The following ABCG5 variants were observed in gnomAD, a reference collection of about 807,000 sequenced individuals.
The protein encoded by ABCG5 is ATP-binding cassette sub-family G member 5.
In ABCG5, 64 loss-of-function variants were observed where a neutral mutation model predicts 64.5. The observed-to-expected ratio is 0.99, with a 90% CI of 0.81 to 1.22. The LOEUF (loss-of-function observed/expected upper bound fraction) is 1.22, where lower values mean the gene tolerates loss of function less well. ABCG5 is among the 50% of genes most tolerant of loss of function. ABCG5 has a pLI of 0.00. For synonymous variants in ABCG5, 385 were observed against 326.3 expected (o/e 1.18, Z -1.94); for missense variants, 908 against 829.5 (o/e 1.09, Z -1.16).
chr2:43,824,536 T>C, intron 7 of ABCG5, 104 bp from the exon 8 acceptor site: 2 of 1,592,184 alleles, frequency 1.3e-6, no homozygotes, highest in Non-Finnish European at 1.7e-6. Context: ...CCTCATCCCA[T>C]CAAGATAAAA....
At chr2:43,828,848 C>T (rs1209216368) in intron 4 of ABCG5, among the ~76,000 whole-genome samples, 2 of 145,184 alleles carry the variant, frequency 1.4e-5, no homozygotes, top group South Asian at 4.4e-4. Flanking sequence ...CACTGGTAAT[C>T]CCAGCTACTC....
intron 9 of ABCG5, 95 bp from the exon 10 acceptor site, chr2:43,823,030 G>A: frequency 6.5e-7 from 1 of 1,539,884 alleles, no homozygotes; most frequent in South Asian, 1.2e-5. Context: ...GTCAGGGCTG[G>A]ATGGTGAGGA....
At chr2:43,831,610 G>A (rs1379794993) in intron 4 of ABCG5, among the ~76,000 whole-genome samples, 159 bp downstream of exon 4, 1 of 152,220 alleles carries the variant, frequency 6.6e-6, no homozygotes, top group East Asian at 1.9e-4. Flanking sequence ...ATGTGACTAG[G>A]GGCAGCACAG....
Position 43,825,007 on chromosome 2 carries a change from T to C in ABCG5, c.786A>G (p.Lys262=), listed in dbSNP as rs577788640. ...PRSELFQLFD[K]IAILSFGELI... is the part of the protein sequence containing the mutation. ...GCTCTCCGAAGCTCAGGATGGCAAT[T>C]TTGTCAAAGAGCTGACCAGACAACA... Residue 262 remains lysine (K), a synonymous_variant, in exon 7 of 13, where the codon AAA becomes AAG. Transcript: ENST00000405322. The C allele has an allele frequency of 1.2e-6, 2 of 1,613,758 alleles. No homozygotes were observed. The highest frequency in any genetic ancestry group is 2.7e-5 in the African/African-American group (2 of 75,026).
At chr2:43,813,515 G>A (rs947857986) in intron 12 of ABCG5, among the ~76,000 whole-genome samples, 2 of 151,912 alleles carry the variant, frequency 1.3e-5, no homozygotes, top group African/African-American at 2.4e-5. Flanking sequence ...TTTCTATTTT[G>A]GGTATAGATT....
intron 4 of ABCG5, among the ~76,000 whole-genome samples, chr2:43,828,795 G>C (rs1297063467): frequency 6.6e-6 from 1 of 151,998 alleles, no homozygotes; most frequent in Non-Finnish European, 1.5e-5. Context: ...GTGAAACCCT[G>C]TCTGTTCTAA....
rs771959143 is a variant in ABCG5, at chr2:43,837,978, G to A, written c.144-23C>T. 3.1e-6 allele frequency: 5 copies of A among 1,613,290 alleles called. No homozygotes were observed. The African/African-American group carries it at 6.7e-5, about 22-fold the overall frequency. On this transcript the variant is annotated intron_variant, in intron 1 of 12. Coordinates refer to ENST00000405322, the MANE Select transcript of ABCG5 (RefSeq NM_022436.3). The stretch of plus-strand genomic sequence containing the variant: ...TGGCTTTAAAGGAAACCCCAGGAAG[G>A]CAAAGGCAGCTTGGGGCCCTGGAAG...
At chr2:43,816,638 G>A (rs1666849962) in intron 11 of ABCG5, among the ~76,000 whole-genome samples, 1 of 152,154 alleles carries the variant, frequency 6.6e-6, no homozygotes, top group Non-Finnish European at 1.5e-5. Flanking sequence ...CCGCCTCCCA[G>A]GTTCAGGTGA....
intron 11 of ABCG5, among the ~76,000 whole-genome samples, chr2:43,817,800 C>T (rs984670339): frequency 2.6e-5 from 4 of 151,026 alleles, no homozygotes; most frequent in Non-Finnish European, 5.9e-5. Context: ...ATCCCAGCTA[C>T]TCGGGAGGCT....
At chr2:43,829,514 A>T (rs1309178703) in intron 4 of ABCG5, among the ~76,000 whole-genome samples, 2 of 152,218 alleles carry the variant, frequency 1.3e-5, no homozygotes, top group East Asian at 3.8e-4. Flanking sequence ...TCCCAAAACA[A>T]TAACGACTAA....
chr2:43,835,476 C>T (rs761995357), intron 2 of ABCG5, among the ~76,000 whole-genome samples: 38 of 152,124 alleles, frequency 2.5e-4, no homozygotes, highest in Non-Finnish European at 4.3e-4. Context: ...TGAGAATGAC[C>T]CTGGATGTTA....
At chr2:43,820,209 T>G (rs1435137536) in intron 10 of ABCG5, 109 bp from the exon 11 acceptor site, 4 of 1,335,452 alleles carry the variant, frequency 3.0e-6, no homozygotes, top group East Asian at 2.5e-5. Context: ...TGGGAGAAGT[T>G]TGCAGGGCAA....
downstream of ABCG5, chr2:43,810,452 C>T (rs922727268): frequency 1.0e-6 from 1 of 985,228 alleles, no homozygotes; most frequent in African/African-American, 1.7e-5. Flanking sequence ...AGGATTATTT[C>T]CAAGGTGGGA....
rs528089304 is a variant in ABCG5 at position 43,822,483 on chromosome 2, C to G, written c.1463+314G>C. ...TGCTTTCTCCCCTCCCCCAGGCCCC[C>G]CCCCATGCACCTGGGTCCTAGCTAC... On this transcript the variant is annotated intron_variant, in intron 10 of 12. Transcript: ENST00000405322. 8 of 906,684 alleles carry G rather than the reference C, an allele frequency of 8.8e-6. No individual in the cohort carries two copies. In the South Asian group the frequency reaches 2.6e-4, roughly 29 times the overall value. 56.2% of individuals were successfully genotyped at this position (906,684 alleles called of 1,614,324 possible).
At chr2:43,825,371 G>T (rs1251714368) in intron 6 of ABCG5, among the ~76,000 whole-genome samples, 1 of 152,052 alleles carries the variant, frequency 6.6e-6, no homozygotes, top group Admixed American at 6.6e-5. Context: ...GCAGGGGTGG[G>T]TCTTAGTTTG....
Position 43,822,921 on chromosome 2 carries a change from C to G in ABCG5, c.1339G>C (p.Ala447Pro). 1 of 1,614,042 alleles carries G rather than the reference C, an allele frequency of 6.2e-7. No homozygotes were observed. Among genetic ancestry groups the G allele is most frequent in the South Asian group, 1.1e-5 (1 of 91,048 alleles). Residue 447 changes from alanine (A) to proline (P), a missense_variant, in exon 10 of 13, where the codon GCT (alanine) becomes CCT (proline). Ala to Pro is a conservative substitution (Grantham distance 27, BLOSUM62 -1). Coordinates refer to ENST00000405322, the MANE Select transcript of ABCG5 (RefSeq NM_022436.3). Reference protein sequence around the residue: ...NAVNLFPVLRAVSDQESQDGL... With the variant: ...NAVNLFPVLRPVSDQESQDGL... Reference sequence around the variant, plus strand: ...TCCTGACTCTCCTGGTCGCTGACAGCTCGCAGCACGGGAACTGGGGATGGA... The same window carrying G: ...TCCTGACTCTCCTGGTCGCTGACAGGTCGCAGCACGGGAACTGGGGATGGA...
Position 43,838,491 on chromosome 2 carries a change from GC to G in ABCG5, c.143+45del. 1 of 1,550,668 alleles carries G rather than the reference GC, an allele frequency of 6.4e-7. No homozygotes were observed. The highest frequency in any genetic ancestry group is 8.7e-7 in the Non-Finnish European group (1 of 1,142,926). On this transcript the variant is annotated intron_variant, in intron 1 of 12. Transcript: ENST00000405322. This position sits in a 1 kb window ranked among gnomAD's most constrained non-coding sequence, Gnocchi z 4.2. ...AAGGCAGCAGAGGGGTGAGCGCCGG[GC>G]CCCGCACTCCTGGGGGAGCAGCAGC... is the stretch of plus-strand genomic sequence containing the variant.
chr2:43,810,901 T>A (rs1418083550), downstream of ABCG5, among the ~76,000 whole-genome samples: 2 of 152,346 alleles, frequency 1.3e-5, no homozygotes, highest in East Asian at 3.9e-4. Flanking sequence ...GGAATTGTTA[T>A]TATGTAATTT....
downstream of ABCG5, among the ~76,000 whole-genome samples, chr2:43,811,056 C>T (rs1666463697): frequency 6.6e-6 from 1 of 152,146 alleles, no homozygotes; most frequent in East Asian, 1.9e-4. Context: ...TGTTTCTGAG[C>T]TAGAATGAAA....
Sources: gnomAD v4.1 joint callset for allele counts (sites outside exome capture counted in the v4.1 genomes callset) on GRCh38, gnomAD v4.1.1 for gene constraint, Gnocchi (gnomAD v3.1) non-coding constraint, MANE v1.5 for transcripts, NCBI Gene and HGNC (gene_info 2026-07-23, HGNC 2026-07-21) for gene names.